SGCD: variants seen among roughly 807,000 people sequenced by gnomAD.
The protein encoded by SGCD is sarcoglycan delta.
SGCD carries 18 observed loss-of-function variants against 36.6 expected under a neutral mutation model. That is an observed-to-expected ratio of 0.49 (90% CI 0.34 to 0.73). SGCD has a LOEUF of 0.73. SGCD is among the 30% of genes least tolerant of loss of function. The pLI is 0.01. For missense variants in SGCD, 387 were observed against 346.7 expected (o/e 1.12, Z -0.92); for synonymous variants, 133 against 130.6 (o/e 1.02, Z -0.12).
At chr5:156,455,049 A>G (rs1041837980) in intron 3 of SGCD, among the ~76,000 whole-genome samples, 8 of 152,208 alleles carry the variant, frequency 5.3e-5, no homozygotes, top group African/African-American at 1.9e-4. Context: ...ACTGACCATT[A>G]TTTAAAAGCA....
chr5:156,172,952 G>T (rs928358514), intron 3 of SGCD, among the ~76,000 whole-genome samples: 1 of 151,950 alleles, frequency 6.6e-6, no homozygotes, highest in African/African-American at 2.4e-5. Flanking sequence ...AGTTTGGTTT[G>T]TAAGAGTAAA....
At chr5:156,707,054 C>CA (rs1410725195) in intron 7 of SGCD, among the ~76,000 whole-genome samples, 1 of 152,120 alleles carries the variant, frequency 6.6e-6, no homozygotes, top group African/African-American at 2.4e-5. Flanking sequence ...AAAACACAAC[C>CA]ACTTTTATAT....
intron 3 of SGCD, among the ~76,000 whole-genome samples, chr5:156,467,296 G>T (rs1268415094): frequency 2.0e-5 from 3 of 152,098 alleles, no homozygotes. Flanking sequence ...CAAGGGAAAA[G>T]GATATACCTG....
chr5:156,564,172 A>G (rs1348841529), intron 4 of SGCD, among the ~76,000 whole-genome samples: 1 of 152,142 alleles, frequency 6.6e-6, no homozygotes, highest in Non-Finnish European at 1.5e-5. Context: ...ATTGTGGGCC[A>G]GGCGCAGTGG....
chr5:155,865,129 T>TAGAG, the SGCD span, among the ~76,000 whole-genome samples: 14 of 152,214 alleles, frequency 9.2e-5, no homozygotes, highest in East Asian at 2.7e-3. Context: ...GATAGATAGA[T>TAGAG]AGATATTTAC....
At position 156,423,319 on chromosome 5, in the gene SGCD, AATATATTTTATTATAATATAAT is replaced by A. The variant is rs1190965666; in HGVS notation, c.192+78647_192+78668del. 2.0e-3 allele frequency among the ~76,000 whole-genome samples: 129 copies of A among 64,404 alleles called. 7 individuals carry two copies. Among genetic ancestry groups the A allele is most frequent in the African/African-American group, 8.6e-3 (122 of 14,178 alleles). 42.3% of individuals were successfully genotyped at this position (64,404 alleles called of 152,430 possible). A position where few individuals can be genotyped will look rare whatever the true frequency, so the allele number is the denominator to read the frequency against. ...AATATAATATATTTTATTATAATAT[AATATATTTTATTATAATATAAT>A]ATATTATAATTTTATTATAATATAT... On this transcript the variant is annotated intron_variant, in intron 3 of 8. Transcript: ENST00000337851.
chr5:156,090,990 A>G (rs1452257451), intron 1 of SGCD, among the ~76,000 whole-genome samples: 3 of 152,140 alleles, frequency 2.0e-5, no homozygotes, highest in African/African-American at 7.2e-5. Context: ...GTTCTTTTTC[A>G]GGGTGCCCTG....
intron 7 of SGCD, among the ~76,000 whole-genome samples, chr5:156,691,044 T>G (rs563557859): frequency 6.6e-6 from 1 of 151,590 alleles, no homozygotes; most frequent in East Asian, 1.9e-4. Flanking sequence ...CTGTCTCTAC[T>G]AAAAATACAA....
At chr5:156,420,168 G>T (rs984130675) in intron 3 of SGCD, among the ~76,000 whole-genome samples, 1 of 152,058 alleles carries the variant, frequency 6.6e-6, no homozygotes, top group South Asian at 2.1e-4. Flanking sequence ...CATAACACCT[G>T]AGTCTTCCCT....
At chr5:156,456,786 A>G (rs1366759507) in intron 3 of SGCD, among the ~76,000 whole-genome samples, 2 of 152,142 alleles carry the variant, frequency 1.3e-5, no homozygotes, top group African/African-American at 2.4e-5. Context: ...TAAGGCCACA[A>G]GTTGTAGGTA....
chr5:155,842,246 G>GTTTT, the SGCD span, among the ~76,000 whole-genome samples: 8 of 129,050 alleles, frequency 6.2e-5, no homozygotes, highest in Middle Eastern at 3.6e-3. Flanking sequence ...CATTTGAGGT[G>GTTTT]TTTTTTTTTT....
At chr5:156,691,084 G>T (rs1053606769) in intron 7 of SGCD, among the ~76,000 whole-genome samples, 1 of 151,586 alleles carries the variant, frequency 6.6e-6, no homozygotes, top group African/African-American at 2.4e-5. Context: ...GTGGGTGCCT[G>T]TAATTCCAGC....
chr5:155,729,373 C>T, the SGCD span, among the ~76,000 whole-genome samples: 2 of 152,188 alleles, frequency 1.3e-5, no homozygotes, highest in East Asian at 1.9e-4. Flanking sequence ...AGCCTAAGCG[C>T]GCTTCACTAA....
At chr5:155,916,872 A>C (rs1207174942) in intron 1 of SGCD, among the ~76,000 whole-genome samples, 1 of 152,208 alleles carries the variant, frequency 6.6e-6, no homozygotes, top group Non-Finnish European at 1.5e-5. Context: ...TGCTATGTGC[A>C]TTCCAGACCC....
upstream of SGCD, among the ~76,000 whole-genome samples, chr5:156,322,711 C>A (rs1767704418): frequency 6.6e-6 from 1 of 152,164 alleles, no homozygotes; most frequent in African/African-American, 2.4e-5. Flanking sequence ...AACAGCTTTT[C>A]TTCAATCTCC....
At chr5:156,619,227 G>A (rs966153635) in intron 6 of SGCD, among the ~76,000 whole-genome samples, 2 of 152,028 alleles carry the variant, frequency 1.3e-5, no homozygotes, top group African/African-American at 4.8e-5. Context: ...GGGTTTCACC[G>A]TGTTAACCAG....
chr5:156,696,656 T>G (rs891337215), intron 7 of SGCD, among the ~76,000 whole-genome samples: 2 of 151,950 alleles, frequency 1.3e-5, no homozygotes, highest in Non-Finnish European at 2.9e-5. Context: ...ATTACAGGCA[T>G]GTAAGACCAC....
intron 4 of SGCD, among the ~76,000 whole-genome samples, chr5:156,519,539 A>G (rs1310324887): frequency 7.0e-6 from 1 of 141,898 alleles, no homozygotes; most frequent in African/African-American, 2.5e-5. Flanking sequence ...TAATTCTGAT[A>G]CAAAAACCTA....
chr5:155,938,562 T>C (rs919231811), intron 1 of SGCD, among the ~76,000 whole-genome samples: 5 of 152,210 alleles, frequency 3.3e-5, no homozygotes, highest in Non-Finnish European at 7.3e-5. Flanking sequence ...ATGAAGTTAA[T>C]AGGAATGTTC....
Sources: allele counts gnomAD v4.1 joint callset (sites outside exome capture counted in the v4.1 genomes callset), GRCh38; gene constraint gnomAD v4.1.1; transcripts MANE v1.5; gene names NCBI Gene and HGNC (gene_info 2026-07-23, HGNC 2026-07-21).